MAP2K5: variants seen among roughly 807,000 people sequenced by gnomAD.
MAP2K5 encodes the protein dual specificity mitogen-activated protein kinase kinase 5.
Under a neutral mutation model 83.1 loss-of-function variants are expected in MAP2K5, and 49 were observed. The ratio of observed to expected loss-of-function variants is 0.59; its 90% CI spans 0.47 to 0.75. The LOEUF is 0.75. Among genes scored for constraint, MAP2K5 ranks in the 30% least tolerant of loss-of-function variants. The pLI is 0.00. For synonymous variants in MAP2K5, 202 were observed against 191.8 expected, an observed-to-expected ratio of 1.05 and a Z score of -0.44; for missense variants, 457 against 557.5, an observed-to-expected ratio of 0.82 and a Z score of 1.82.
intron 3 of MAP2K5, among the ~76,000 whole-genome samples, chr15:67,571,051 C>T (rs753494390): frequency 6.6e-6 from 1 of 152,168 alleles, no homozygotes; most frequent in Non-Finnish European, 1.5e-5. Flanking sequence ...GAAGGTATGA[C>T]CAATGAGAGT....
chr15:67,578,529 A>G (rs906861826), intron 3 of MAP2K5, among the ~76,000 whole-genome samples: 1 of 152,164 alleles, frequency 6.6e-6, no homozygotes, highest in African/African-American at 2.4e-5. Flanking sequence ...AGCAGGAGAA[A>G]ATATACTTGG....
intron 4 of MAP2K5, among the ~76,000 whole-genome samples, chr15:67,581,802 A>G (rs1371647217): frequency 6.6e-6 from 1 of 152,164 alleles, no homozygotes; most frequent in African/African-American, 2.4e-5. Context: ...CCAACCCACA[A>G]GAAGATCTGG....
chr15:67,616,037 T>C (rs1454384632), intron 8 of MAP2K5, among the ~76,000 whole-genome samples: 2 of 152,232 alleles, frequency 1.3e-5, no homozygotes, highest in Non-Finnish European at 2.9e-5. Context: ...ATTTCTACCA[T>C]CTTCTTTCTT....
chr15:67,746,841 C>T lies in MAP2K5; in HGVS notation c.1075-1390C>T, dbSNP rs1262303019. On this transcript the variant is annotated intron_variant, in intron 17 of 21. Coordinates refer to ENST00000178640, the MANE Select transcript of MAP2K5 (RefSeq NM_145160.3). The surrounding 1 kb of genome is among the most constrained non-coding windows in gnomAD (Gnocchi z 4.1). ...ATATATGGGAAAACACTTTTTAAAA[C>T]ACTCAGGCAGTAGGAAGAAGGGTGT... Among the ~76,000 whole-genome samples the T allele has an allele frequency of 1.3e-5, 2 of 152,176 alleles. No homozygotes were observed. Among genetic ancestry groups the T allele is most frequent in the Non-Finnish European group, 2.9e-5 (2 of 68,018 alleles).
intron 19 of MAP2K5, among the ~76,000 whole-genome samples, chr15:67,759,421 A>C (rs1342210235): frequency 6.6e-6 from 1 of 151,904 alleles, no homozygotes; most frequent in Non-Finnish European, 1.5e-5. Context: ...TTAGCCAAGC[A>C]TGGTGGCACG....
In MAP2K5 at chr15:67,722,261, C is replaced by G. The variant is rs916546260; in HGVS notation, c.1045-5655C>G. Reference sequence around the variant, plus strand: ...ATTAAAAATTGAAGCTTTCCTCACTCTGAGGCCTTTCAAGGCTTTGTTCTT... The same window carrying G: ...ATTAAAAATTGAAGCTTTCCTCACTGTGAGGCCTTTCAAGGCTTTGTTCTT... On this transcript the variant is annotated intron_variant, in intron 16 of 21. Coordinates refer to ENST00000178640, the MANE Select transcript of MAP2K5 (RefSeq NM_145160.3). The surrounding 1 kb of genome is among the most constrained non-coding windows in gnomAD (Gnocchi z 4.2). Among the ~76,000 whole-genome samples the G allele has an allele frequency of 1.3e-5, 2 of 152,168 alleles. No homozygotes were observed. Among genetic ancestry groups the G allele is most frequent in the Non-Finnish European group, 2.9e-5 (2 of 68,040 alleles).
Position 67,592,950 on chromosome 15 carries a change from GA to G in MAP2K5, c.463del (p.Ile155TyrfsTer2). On this transcript the variant is annotated frameshift_variant, in exon 7 of 22. Transcript: ENST00000178640. LOFTEE classifies it high-confidence loss of function. The stretch of plus-strand genomic sequence containing the variant: ...GCTTAAAGAAGTCTTCTGCTGAACT[GA>G]AAAAAATACTAGCCAATGGCCAGGT... Reference protein sequence around the residue: ...NSLKKSSAELKKILANGQMNE... With the variant: ...NSLKKSSAELXKILANGQMNE... 2.5e-6 allele frequency: 4 copies of G among 1,606,658 alleles called. No homozygotes were observed. The highest frequency in any genetic ancestry group is 1.7e-5 in the Admixed American group (1 of 59,388).
rs1378084843 is a variant in MAP2K5, at chr15:67,637,406, A to G, written c.585+6479A>G. On this transcript the variant is annotated intron_variant, in intron 9 of 21. Coordinates refer to ENST00000178640, the MANE Select transcript of MAP2K5 (RefSeq NM_145160.3). This position sits in a 1 kb window ranked among gnomAD's most constrained non-coding sequence, Gnocchi z 4.5. ...GTACCAGCCCAGTGGTTAGTCTAGA[A>G]CTAATTTTCCCCGTGCAGCAGAGGT... is the stretch of plus-strand genomic sequence containing the variant. Among the ~76,000 whole-genome samples, 1 of 152,148 alleles carries G rather than the reference A, an allele frequency of 6.6e-6. No homozygotes were observed. Among genetic ancestry groups the G allele is most frequent in the Non-Finnish European group, 1.5e-5 (1 of 68,032 alleles).
At chr15:67,657,721 C>CATAT (rs147008354) in intron 11 of MAP2K5, among the ~76,000 whole-genome samples, 28 of 147,118 alleles carry the variant, frequency 1.9e-4, no homozygotes, top group African/African-American at 5.5e-4. Context: ...AGCCAGTAGC[C>CATAT]ATATATATAT....
intron 11 of MAP2K5, among the ~76,000 whole-genome samples, chr15:67,655,738 G>T (rs1032106540): frequency 1.3e-5 from 2 of 152,126 alleles, no homozygotes; most frequent in African/African-American, 2.4e-5. Flanking sequence ...CTTCTTGGAT[G>T]TGTAGATTCA....
chr15:67,727,883 C>G (rs774868105), intron 16 of MAP2K5, 33 bp from the exon 17 acceptor site: 2 of 1,578,726 alleles, frequency 1.3e-6, no homozygotes, highest in East Asian at 4.5e-5. Flanking sequence ...GCATGCAAAT[C>G]TATAACTAGA....
At chr15:67,737,366 G>A (rs941938474) in intron 17 of MAP2K5, among the ~76,000 whole-genome samples, 6 of 152,184 alleles carry the variant, frequency 3.9e-5, no homozygotes, top group Non-Finnish European at 5.9e-5. Context: ...GGGGATAGGG[G>A]CTCATTGGCT....
chr15:67,546,201 G>C (rs1033205325), intron 1 of MAP2K5: 1 of 152,258 alleles, frequency 6.6e-6, no homozygotes, highest in African/African-American at 2.4e-5. Flanking sequence ...TCTTCATCAA[G>C]AAAAGGCAAG....
chr15:67,570,753 A>G (rs989448640), intron 3 of MAP2K5, among the ~76,000 whole-genome samples: 2 of 152,262 alleles, frequency 1.3e-5, no homozygotes, highest in Admixed American at 1.3e-4. Context: ...CAAATTAACT[A>G]TGGACTGCAA....
intron 16 of MAP2K5, among the ~76,000 whole-genome samples, chr15:67,706,775 C>G (rs988713033): frequency 1.3e-5 from 2 of 152,108 alleles, no homozygotes; most frequent in Admixed American, 1.3e-4. Flanking sequence ...TGTAAGGCCC[C>G]TGGCATGTTT....
chr15:67,795,636 C>T (rs151032411), intron 21 of MAP2K5, among the ~76,000 whole-genome samples: 2 of 152,216 alleles, frequency 1.3e-5, no homozygotes, highest in African/African-American at 4.8e-5. Flanking sequence ...AGAACATGGT[C>T]ATTTGGTTTT....
chr15:67,578,775 A>G (rs2085116775), intron 3 of MAP2K5, among the ~76,000 whole-genome samples: 1 of 152,204 alleles, frequency 6.6e-6, no homozygotes. Context: ...TCTGTGAGGT[A>G]AATAAATAAA....
intron 13 of MAP2K5, among the ~76,000 whole-genome samples, chr15:67,686,101 C>A (rs1412144309): frequency 3.3e-5 from 5 of 152,076 alleles, no homozygotes; most frequent in Admixed American, 1.3e-4. Flanking sequence ...GAAAAAGGAA[C>A]AAAGGACAGA....
chr15:67,614,607 A>G (rs1339192982), intron 8 of MAP2K5, among the ~76,000 whole-genome samples: 3 of 152,210 alleles, frequency 2.0e-5, no homozygotes, highest in Non-Finnish European at 4.4e-5. Flanking sequence ...TCAAGAGATC[A>G]GAATGACTGT....
Sources: allele counts gnomAD v4.1 joint callset (sites outside exome capture counted in the v4.1 genomes callset), GRCh38; gene constraint gnomAD v4.1.1; non-coding constraint Gnocchi (gnomAD v3.1); transcripts MANE v1.5; gene names NCBI Gene and HGNC (gene_info 2026-07-23, HGNC 2026-07-21).